C8A: variants seen among roughly 807,000 people sequenced by gnomAD.
C8A encodes complement C8 alpha chain.
C8A carries 67 observed loss-of-function variants against 65.3 expected under a neutral mutation model. The ratio of observed to expected loss-of-function variants is 1.03; its 90% CI spans 0.84 to 1.26. C8A has a LOEUF of 1.26. C8A is among the 50% of genes most tolerant of loss of function. C8A has a pLI of 0.00. For synonymous variants in C8A, 290 were observed against 259.4 expected, an observed-to-expected ratio of 1.12 and a Z score of -1.13; for missense variants, 781 against 723.9, an observed-to-expected ratio of 1.08 and a Z score of -0.90.
intron 10 of C8A, among the ~76,000 whole-genome samples, chr1:56,914,265 C>CT (rs1028663770): frequency 1.1e-4 from 16 of 152,054 alleles, no homozygotes; most frequent in African/African-American, 3.9e-4. Flanking sequence ...TGAGGGAGGA[C>CT]TTTCTTCTGC....
In C8A at chr1:56,876,150, C is replaced by T. The variant is rs34902287; in HGVS notation, c.405C>T (p.Ala135=). The change falls in exon 4 of 11, where the codon GCC becomes GCT. Residue 135 remains alanine, a synonymous_variant. Coordinates refer to ENST00000361249, the MANE Select transcript of C8A (RefSeq NM_000562.3). ...AGGACGACTGTGAAGATGTCAGGGC[C>T]ATTGACGAAGACTGCAGCCAGTATG... ...SDEDDCEDVR[A]IDEDCSQYEP... is the part of the protein sequence containing the mutation. 29 of 1,613,768 alleles carry T rather than the reference C, an allele frequency of 1.8e-5. No individual in the cohort carries two copies. Among genetic ancestry groups the T allele is most frequent in the South Asian group, 9.9e-5 (9 of 91,072 alleles).
chr1:56,855,883 A>G (rs892212885), intron 1 of C8A, among the ~76,000 whole-genome samples: 3 of 152,110 alleles, frequency 2.0e-5, no homozygotes, highest in African/African-American at 4.8e-5. Context: ...AAAAGCAGTT[A>G]ATTTGTAACT....
intron 6 of C8A, among the ~76,000 whole-genome samples, chr1:56,885,317 T>TAC (rs1157407675): frequency 2.2e-5 from 3 of 136,070 alleles, no homozygotes; most frequent in Admixed American, 7.6e-5. Flanking sequence ...TTTACATAAA[T>TAC]ATATTTATTT....
chr1:56,870,775 C>T (rs554866789), intron 2 of C8A, among the ~76,000 whole-genome samples: 74 of 151,212 alleles, frequency 4.9e-4, no homozygotes, highest in African/African-American at 1.7e-3. Flanking sequence ...GACTCAAAAA[C>T]ACGTGCGTTT....
chr1:56,915,333 C>T (rs1644542413), intron 10 of C8A, among the ~76,000 whole-genome samples: 1 of 152,150 alleles, frequency 6.6e-6, no homozygotes, highest in Non-Finnish European at 1.5e-5. Flanking sequence ...ACCAAGGAGA[C>T]CAACTCCCAG....
At chr1:56,882,107 A>T (rs1484268949) in intron 5 of C8A, among the ~76,000 whole-genome samples, 2 of 152,222 alleles carry the variant, frequency 1.3e-5, no homozygotes, top group African/African-American at 4.8e-5. Flanking sequence ...GGCTCTTTGT[A>T]TGTGATTTTG....
At chr1:56,884,344 G>A (rs1644272993) in intron 6 of C8A, among the ~76,000 whole-genome samples, 1 of 152,078 alleles carries the variant, frequency 6.6e-6, no homozygotes, top group Admixed American at 6.6e-5. Context: ...GGGTGGGAAA[G>A]GAAAACAGAG....
At chr1:56,886,534 C>T (rs1404408465) in intron 7 of C8A, among the ~76,000 whole-genome samples, 1 of 152,146 alleles carries the variant, frequency 6.6e-6, no homozygotes, top group Non-Finnish European at 1.5e-5. Context: ...GTCAGTGAAG[C>T]TAGAAACTTA....
chr1:56,881,202 A>G (rs1644244483), intron 4 of C8A, among the ~76,000 whole-genome samples: 1 of 152,218 alleles, frequency 6.6e-6, no homozygotes, highest in Non-Finnish European at 1.5e-5. Flanking sequence ...CAGCTACAAC[A>G]TCTTTCAGAA....
intron 3 of C8A, 49 bp downstream of exon 3, chr1:56,875,142 T>G: frequency 6.3e-7 from 1 of 1,596,944 alleles, no homozygotes; most frequent in Non-Finnish European, 8.6e-7. Flanking sequence ...AAAAGTGACA[T>G]GTGAAACACT....
chr1:56,898,211 A>C (rs1299483778), intron 7 of C8A, among the ~76,000 whole-genome samples: 1 of 152,124 alleles, frequency 6.6e-6, no homozygotes, highest in African/African-American at 2.4e-5. Flanking sequence ...ATAAATGAGA[A>C]CAATCTTGGC....
chr1:56,873,041 T>A (rs1162881004), intron 2 of C8A, among the ~76,000 whole-genome samples: 1 of 152,214 alleles, frequency 6.6e-6, no homozygotes, highest in Non-Finnish European at 1.5e-5. Context: ...AATCTCTTCC[T>A]ACAGAGTTTA....
intron 9 of C8A, among the ~76,000 whole-genome samples, chr1:56,910,320 C>T (rs1210842999): frequency 2.6e-5 from 4 of 152,104 alleles, no homozygotes; most frequent in South Asian, 2.1e-4. Context: ...ATCATTTGAC[C>T]TCTGAGTCTT....
At chr1:56,911,787 C>T (rs1473363899) in intron 9 of C8A, among the ~76,000 whole-genome samples, 1 of 152,168 alleles carries the variant, frequency 6.6e-6, no homozygotes, top group African/African-American at 2.4e-5. Context: ...ACAGTTACAC[C>T]ATTAGGGAAA....
chr1:56,909,792 G>A (rs1467640046), intron 9 of C8A, among the ~76,000 whole-genome samples: 1 of 152,168 alleles, frequency 6.6e-6, no homozygotes, highest in Non-Finnish European at 1.5e-5. Context: ...CTATCACATA[G>A]AGATATTTCA....
intron 7 of C8A, among the ~76,000 whole-genome samples, chr1:56,892,963 G>C (rs1022472423): frequency 6.6e-6 from 1 of 152,080 alleles, no homozygotes; most frequent in African/African-American, 2.4e-5. Context: ...GCTTTGCAAA[G>C]ACCTCACAGA....
At chr1:56,910,757 C>T (rs1451729018) in intron 9 of C8A, among the ~76,000 whole-genome samples, 1 of 152,250 alleles carries the variant, frequency 6.6e-6, no homozygotes, top group Non-Finnish European at 1.5e-5. Context: ...CTGTTTGCCA[C>T]AGGTCTTTCT....
intron 2 of C8A, 48 bp from the exon 3 acceptor site, chr1:56,874,900 AT>A (rs763816469): frequency 6.2e-7 from 1 of 1,603,180 alleles, no homozygotes; most frequent in Non-Finnish European, 8.5e-7. Flanking sequence ...GTCTTGGTTG[AT>A]TGATTGATTG....
chr1:56,867,183 G>T (rs533374182), intron 1 of C8A, among the ~76,000 whole-genome samples: 8 of 152,146 alleles, frequency 5.3e-5, no homozygotes, highest in African/African-American at 1.9e-4. Context: ...TTTTAATGTA[G>T]TTTTATAGAT....
Sources: gnomAD v4.1 joint callset for allele counts (sites outside exome capture counted in the v4.1 genomes callset) on GRCh38, gnomAD v4.1.1 for gene constraint, MANE v1.5 for transcripts, NCBI Gene and HGNC (gene_info 2026-07-23, HGNC 2026-07-21) for gene names.